Variants in CALN1 observed in about 807,000 individuals in gnomAD.
The protein encoded by CALN1 is calcium-binding protein 8.
In CALN1, 17 loss-of-function variants were observed where a neutral mutation model predicts 30.6. That is an observed-to-expected ratio of 0.56 (90% CI 0.38 to 0.83). CALN1 has a LOEUF of 0.83. Ranked by LOEUF, CALN1 falls within the 40% of genes least tolerant of loss-of-function variation. CALN1 has a pLI of 0.00. For missense variants in CALN1, 291 were observed against 354.9 expected (o/e 0.82, Z 1.45); for synonymous variants, 156 against 131.4 (o/e 1.19, Z -1.28).
intron 4 of CALN1, among the ~76,000 whole-genome samples, chr7:72,083,695 C>T (rs887621874): frequency 1.2e-4 from 18 of 152,050 alleles, no homozygotes; most frequent in African/African-American, 4.3e-4. Context: ...CCGAGGCAGG[C>T]AGTTCACGAG....
chr7:71,916,329 A>G (rs1794686669), intron 5 of CALN1, among the ~76,000 whole-genome samples: 1 of 152,004 alleles, frequency 6.6e-6, no homozygotes, highest in African/African-American at 2.4e-5. Flanking sequence ...ATGGTGAATC[A>G]ATCGCCTGAA....
rs1053433652 is a variant in CALN1 at position 72,071,188 on chromosome 7, A to C, written c.388+34963T>G. 1.5e-4 allele frequency among the ~76,000 whole-genome samples: 23 copies of C among 152,234 alleles called. No homozygotes were observed. In the East Asian group the frequency reaches 4.5e-3, roughly 29 times the overall value. ...AATCCCATGGCAGGGAGATGTGCAC[A>C]TGTTCCTGGAGCAGCTTGCATGCAG... On this transcript the variant is annotated intron_variant, in intron 4 of 6. Transcript: ENST00000395275.
chr7:72,458,192 T>TTA, the CALN1 span, among the ~76,000 whole-genome samples: 2 of 121,180 alleles, frequency 1.7e-5, no homozygotes, highest in Admixed American at 2.1e-4. Context: ...ATTTAATATA[T>TTA]TATAATATAT....
intron 3 of CALN1, among the ~76,000 whole-genome samples, chr7:72,217,717 C>G (rs1260661897): frequency 3.3e-5 from 5 of 151,900 alleles, no homozygotes; most frequent in Non-Finnish European, 7.4e-5. Flanking sequence ...GTGGCTCACA[C>G]CTATAATCCT....
At chr7:71,983,118 T>C (rs1326830162) in intron 5 of CALN1, among the ~76,000 whole-genome samples, 1 of 152,180 alleles carries the variant, frequency 6.6e-6, no homozygotes, top group East Asian at 1.9e-4. Flanking sequence ...GTCTATAAAA[T>C]CCAGTGCAGT....
intron 5 of CALN1, among the ~76,000 whole-genome samples, chr7:71,901,870 G>C (rs963706649): frequency 2.0e-5 from 3 of 152,098 alleles, no homozygotes; most frequent in African/African-American, 7.2e-5. Context: ...AAGAATTCAT[G>C]ACTAAGACCT....
At chr7:72,206,392 C>G (rs1791887653) in intron 3 of CALN1, among the ~76,000 whole-genome samples, 1 of 152,146 alleles carries the variant, frequency 6.6e-6, no homozygotes, top group Admixed American at 6.5e-5. Flanking sequence ...TCTCAAACTC[C>G]TCTTCTTTTG....
At chr7:71,882,391 A>G (rs1034530176) in intron 5 of CALN1, among the ~76,000 whole-genome samples, 3 of 152,192 alleles carry the variant, frequency 2.0e-5, no homozygotes, top group Non-Finnish European at 4.4e-5. Flanking sequence ...CTTTAATCAC[A>G]TCGGCAAATT....
intron 4 of CALN1, among the ~76,000 whole-genome samples, chr7:72,098,915 G>A (rs1029344880): frequency 4.6e-5 from 7 of 151,936 alleles, no homozygotes; most frequent in African/African-American, 1.5e-4. Context: ...CCGTGTCCAG[G>A]AAATCCAGGC....
chr7:72,157,812 C>T (rs1787811663), intron 3 of CALN1, among the ~76,000 whole-genome samples: 1 of 152,192 alleles, frequency 6.6e-6, no homozygotes, highest in Admixed American at 6.5e-5. Context: ...GGCACAATCT[C>T]GGCTCACTGC....
intron 5 of CALN1, among the ~76,000 whole-genome samples, chr7:71,883,046 A>G (rs976475759): frequency 1.3e-5 from 2 of 152,128 alleles, no homozygotes; most frequent in Admixed American, 1.3e-4. Flanking sequence ...AGCACTTATT[A>G]TTGACCTACT....
intron 3 of CALN1, among the ~76,000 whole-genome samples, chr7:72,124,216 T>G (rs1172493492): frequency 6.6e-6 from 1 of 152,144 alleles, no homozygotes; most frequent in East Asian, 1.9e-4. Flanking sequence ...AATAGTGTGG[T>G]AAAGGTAACA....
chr7:72,038,071 G>A (rs1016534457), intron 4 of CALN1, among the ~76,000 whole-genome samples: 1 of 152,126 alleles, frequency 6.6e-6, no homozygotes, highest in East Asian at 1.9e-4. Context: ...ATGGCTTCCA[G>A]CCTCTTTGTC....
chr7:72,196,360 C>A lies in CALN1; in HGVS notation c.244+82326G>T, dbSNP rs75141441. Among the ~76,000 whole-genome samples the A allele has an allele frequency of 2.0e-3, 310 of 152,288 alleles. 12 individuals are homozygous for A. In the East Asian group the frequency reaches 0.056, roughly 28 times the overall value. ...TCTCAAACTCCTGAGCTCAAGCAAC[C>A]CACCCTCTCTGGCCTCCCAAAGTGC... On this transcript the variant is annotated intron_variant, in intron 3 of 6. Coordinates refer to ENST00000395275, the MANE Select transcript of CALN1 (RefSeq NM_031468.4).
chr7:72,251,495 G>A (rs1795553692), intron 3 of CALN1, among the ~76,000 whole-genome samples: 1 of 151,918 alleles, frequency 6.6e-6, no homozygotes, highest in Admixed American at 6.6e-5. Flanking sequence ...ACCTCCCTGG[G>A]CTTAAGCAGT....
intron 5 of CALN1, among the ~76,000 whole-genome samples, chr7:71,879,641 T>A (rs1290961880): frequency 6.6e-6 from 1 of 152,202 alleles, no homozygotes; most frequent in Non-Finnish European, 1.5e-5. Context: ...ATGGAAAAGA[T>A]ACTCTGAAGA....
rs1410485293 is a variant in CALN1, at chr7:71,785,450, G to A, written c.*2325C>T. ...AGGAGGCAGAAGAACTCGCAGAAAA[G>A]CCACCTTCAAAGAAGTACTCATTTT... On this transcript the variant is annotated 3_prime_UTR_variant, in exon 7 of 7. Coordinates refer to ENST00000395275, the MANE Select transcript of CALN1 (RefSeq NM_031468.4). 6.6e-6 allele frequency: 1 copy of A among 152,182 alleles called. No individual in the cohort carries two copies. Among genetic ancestry groups the A allele is most frequent in the Non-Finnish European group, 1.5e-5 (1 of 68,050 alleles). 9.4% of individuals were successfully genotyped at this position (152,182 alleles called of 1,614,324 possible).
At chr7:71,866,153 G>A (rs34163271) in intron 5 of CALN1, among the ~76,000 whole-genome samples, 16,563 of 151,640 alleles carry the variant, frequency 0.11, 1,327 homozygotes, top group East Asian at 0.43. Context: ...CTGCAGGCAC[G>A]TGCCACCACA....
At chr7:71,915,619 C>T (rs897406661) in intron 5 of CALN1, among the ~76,000 whole-genome samples, 6 of 152,060 alleles carry the variant, frequency 3.9e-5, no homozygotes, top group South Asian at 4.2e-4. Context: ...CTGTAGTTCC[C>T]GCTACTCAGG....
Sources: allele counts gnomAD v4.1 joint callset (sites outside exome capture counted in the v4.1 genomes callset), GRCh38; gene constraint gnomAD v4.1.1; transcripts MANE v1.5; gene names NCBI Gene and HGNC (gene_info 2026-07-23, HGNC 2026-07-21).